Variants in KLHL14 observed in about 807,000 individuals in gnomAD.
The protein encoded by KLHL14 is kelch-like protein 14.
KLHL14 carries 22 observed loss-of-function variants against 64.3 expected under a neutral mutation model. That is an observed-to-expected ratio of 0.34 (90% CI 0.24 to 0.49). The LOEUF (loss-of-function observed/expected upper bound fraction) is 0.49. Ranked by LOEUF, KLHL14 falls within the 20% of genes least tolerant of loss-of-function variation. The pLI is 0.99. For missense variants in KLHL14, 661 were observed against 789.0 expected, an observed-to-expected ratio of 0.84 and a Z score of 1.94; for synonymous variants, 322 against 333.4, an observed-to-expected ratio of 0.97 and a Z score of 0.37.
At chr18:32,725,305 C>T (rs1322173601) in intron 3 of KLHL14, among the ~76,000 whole-genome samples, 2 of 152,202 alleles carry the variant, frequency 1.3e-5, no homozygotes, top group South Asian at 2.1e-4. Flanking sequence ...GCTGGAATTA[C>T]AGGTGTAAGC....
At chr18:32,752,521 C>T (rs938883739) in intron 2 of KLHL14, among the ~76,000 whole-genome samples, 2 of 152,124 alleles carry the variant, frequency 1.3e-5, no homozygotes, top group Admixed American at 6.5e-5. Flanking sequence ...TACGTTATCA[C>T]GTTCATCATT....
At chr18:32,723,194 T>C (rs1196705671) in intron 3 of KLHL14, among the ~76,000 whole-genome samples, 2 of 152,198 alleles carry the variant, frequency 1.3e-5, no homozygotes, top group Admixed American at 1.3e-4. Flanking sequence ...CCAAACTAGA[T>C]ATTACATTTC....
intron 2 of KLHL14, among the ~76,000 whole-genome samples, chr18:32,761,393 C>CTTTTTTTTTTTT (rs10676001): frequency 7.9e-6 from 1 of 127,084 alleles, no homozygotes; most frequent in Admixed American, 8.0e-5. Flanking sequence ...GCCACACATC[C>CTTTTTTTTTTTT]TTTTTTTTTT....
At chr18:32,762,730 T>G (rs940408071) in intron 2 of KLHL14, among the ~76,000 whole-genome samples, 3 of 152,144 alleles carry the variant, frequency 2.0e-5, no homozygotes, top group Non-Finnish European at 4.4e-5. Context: ...TTGTTTTAAT[T>G]TAAAGAAATC....
chr18:32,742,077 A>G, intron 2 of KLHL14, 28 bp from the exon 3 acceptor site: 1 of 1,609,694 alleles, frequency 6.2e-7, no homozygotes, highest in African/African-American at 1.3e-5. Flanking sequence ...GAGGAGATGA[A>G]TAACCACATT....
At chr18:32,678,135 T>C (rs1163353206) in intron 7 of KLHL14, among the ~76,000 whole-genome samples, 1 of 152,160 alleles carries the variant, frequency 6.6e-6, no homozygotes, top group African/African-American at 2.4e-5. Context: ...GGGCACTACC[T>C]AGGTCACTGA....
intron 2 of KLHL14, among the ~76,000 whole-genome samples, chr18:32,756,146 T>A (rs1288727595): frequency 6.6e-6 from 1 of 152,184 alleles, no homozygotes; most frequent in Non-Finnish European, 1.5e-5. Flanking sequence ...AATGAGGTCA[T>A]AAGGGTGAGG....
intron 3 of KLHL14, among the ~76,000 whole-genome samples, chr18:32,704,021 C>T (rs988041969): frequency 6.6e-6 from 1 of 152,068 alleles, no homozygotes; most frequent in African/African-American, 2.4e-5. Flanking sequence ...TCATATTTTT[C>T]TGGGAGAAAG....
At chr18:32,707,805 CT>C (rs2049998026) in intron 3 of KLHL14, among the ~76,000 whole-genome samples, 2 of 152,306 alleles carry the variant, frequency 1.3e-5, no homozygotes, top group Admixed American at 1.3e-4. Context: ...TGCCTTTAAC[CT>C]TTGGTGGTTT....
In KLHL14 at chr18:32,742,044, C is replaced by T. The variant is rs748401904; in HGVS notation, c.953G>A (p.Arg318His). The change falls in exon 3 of 9, where the codon CGC (arginine) becomes CAC (histidine). Residue 318 changes from arginine (R) to histidine (H), a missense_variant. By Grantham distance (29) the Arg-to-His change is conservative (BLOSUM62 0). Transcript: ENST00000359358. ...HCRQSLASRIRSNKKMLLLVG... is the reference protein window; with the variant it reads ...HCRQSLASRIHSNKKMLLLVG... ...CAATAACAGCATTTTCTTGTTAGAGCGAATTCTTCACCCAAAACAAAAGAG... is the reference window on the plus strand; with the variant it reads ...CAATAACAGCATTTTCTTGTTAGAGTGAATTCTTCACCCAAAACAAAAGAG... The T allele has an allele frequency of 6.2e-7, 1 of 1,612,176 alleles. No homozygotes were observed. The highest frequency in any genetic ancestry group is 1.3e-5 in the African/African-American group (1 of 74,866).
At chr18:32,732,974 A>G (rs2050144246) in intron 3 of KLHL14, among the ~76,000 whole-genome samples, 1 of 152,176 alleles carries the variant, frequency 6.6e-6, no homozygotes. Flanking sequence ...TGCTGATTGT[A>G]TGTGTTGGTT....
In KLHL14 at chr18:32,673,179, AACGGC is replaced by A. The variant is rs1344559110; in HGVS notation, c.*1473_*1477del. ...AACGAAGATTGCACTTTACTGTAGA[AACGGC>A]ATCGGATTCCAGTATACCCATTTAT... On this transcript the variant is annotated 3_prime_UTR_variant, in exon 9 of 9. Coordinates refer to ENST00000359358, the MANE Select transcript of KLHL14 (RefSeq NM_020805.3). The A allele has an allele frequency of 1.3e-5, 2 of 152,606 alleles. No individual in the cohort carries two copies. The highest frequency in any genetic ancestry group is 2.9e-5 in the Non-Finnish European group (2 of 68,028). 9.5% of individuals were successfully genotyped at this position (152,606 alleles called of 1,614,324 possible).
intron 3 of KLHL14, among the ~76,000 whole-genome samples, chr18:32,702,462 C>G (rs946640832): frequency 1.2e-4 from 18 of 151,516 alleles, no homozygotes; most frequent in Admixed American, 9.2e-4. Context: ...AAAGATCTAG[C>G]AAGCTGGCTA....
intron 2 of KLHL14, among the ~76,000 whole-genome samples, chr18:32,757,592 A>G (rs1310036341): frequency 6.6e-6 from 1 of 152,124 alleles, no homozygotes; most frequent in East Asian, 1.9e-4. Context: ...AAACAATTTC[A>G]CCTTATTTCC....
chr18:32,750,828 T>C (rs969957506), intron 2 of KLHL14, among the ~76,000 whole-genome samples: 3 of 152,196 alleles, frequency 2.0e-5, no homozygotes, highest in Non-Finnish European at 4.4e-5. Context: ...AGCCCTGCTT[T>C]CTGACCCCCA....
At chr18:32,677,580 A>T (rs1241647493) in intron 7 of KLHL14, among the ~76,000 whole-genome samples, 2 of 152,238 alleles carry the variant, frequency 1.3e-5, no homozygotes. Context: ...AAGGTTGATT[A>T]TATGTGGATA....
At chr18:32,699,607 G>T (rs908356273) in intron 3 of KLHL14, among the ~76,000 whole-genome samples, 6 of 152,044 alleles carry the variant, frequency 3.9e-5, no homozygotes, top group Non-Finnish European at 8.8e-5. Context: ...CCCAACTCAC[G>T]CTCTTATCCA....
At chr18:32,690,150 T>TA (rs1398113064) in intron 4 of KLHL14, among the ~76,000 whole-genome samples, 1 of 151,898 alleles carries the variant, frequency 6.6e-6, no homozygotes, top group African/African-American at 2.4e-5. Flanking sequence ...GGATGGGCCA[T>TA]AGAAGCTAAG....
In KLHL14 at chr18:32,769,992, C is replaced by G. The variant is rs201756265; in HGVS notation, c.600G>C (p.Glu200Asp). The change falls in exon 2 of 9, where the codon GAG (glutamate) becomes GAC (aspartate). Residue 200 changes from glutamate (E) to aspartate (D), a missense_variant. Around this residue, in one of 2 missense-constraint regions of KLHL14, gnomAD observed 331 missense variants for 339.0 expected, o/e 0.98. Transcript: ENST00000359358. Reference sequence around the variant, plus strand: ...GGTACTTGTTGGCCAGCTTCTTGGTCTCCTCCAGGCCGTGCAGCGCGGCGA... The same window carrying G: ...GGTACTTGTTGGCCAGCTTCTTGGTGTCCTCCAGGCCGTGCAGCGCGGCGA... ...CKIAALHGLE[E>D]TKKLANKYLV... is the part of the protein sequence containing the mutation. The G allele has an allele frequency of 6.2e-6, 10 of 1,614,108 alleles. No homozygotes were observed. The highest frequency in any genetic ancestry group is 7.6e-6 in the Non-Finnish European group (9 of 1,180,046).
Sources: gnomAD v4.1 joint callset for allele counts (sites outside exome capture counted in the v4.1 genomes callset) on GRCh38, gnomAD v4.1.1 for gene constraint, gnomAD v4.1.1 regional missense constraint, MANE v1.5 for transcripts, NCBI Gene and HGNC (gene_info 2026-07-23, HGNC 2026-07-21) for gene names.